The following ANKZF1 variants were observed in gnomAD, a reference collection of about 807,000 sequenced individuals.
ANKZF1 encodes tRNA endonuclease ANKZF1.
Under a neutral mutation model 86.0 loss-of-function variants are expected in ANKZF1, and 84 were observed. That is an observed-to-expected ratio of 0.98 (90% CI 0.82 to 1.17). The LOEUF is 1.17. ANKZF1 is among the 50% of genes most tolerant of loss of function. ANKZF1 has a pLI of 0.00. For synonymous variants in ANKZF1, 331 were observed against 354.2 expected, an observed-to-expected ratio of 0.93 and a Z score of 0.74; for missense variants, 893 against 918.4, an observed-to-expected ratio of 0.97 and a Z score of 0.36.
At position 219,236,075 on chromosome 2, in the gene ANKZF1, C is replaced by T; in HGVS notation, c.2037C>T (p.Asp679=). 1.2e-6 allele frequency: 2 copies of T among 1,614,224 alleles called. No homozygotes were observed. Among genetic ancestry groups the T allele is most frequent in the Non-Finnish European group, 1.7e-6 (2 of 1,180,050 alleles). The change falls in exon 13 of 14, where the codon GAC becomes GAT. Residue 679 remains aspartate, a synonymous_variant. Transcript: ENST00000323348. ...QLGAPTSPIP[D]SAIVNTRRCW... ...GAGCCCCTACCTCTCCAATCCCTGA[C>T]TCTGCAATCGTCAATACTCGGTATG...
chr2:219,233,429 ATAAGGTGAGT>A lies in ANKZF1; in HGVS notation c.819+1_819+10del. 6.2e-7 allele frequency: 1 copy of A among 1,609,718 alleles called. No homozygotes were observed. Among genetic ancestry groups the A allele is most frequent in the Non-Finnish European group, 8.5e-7 (1 of 1,177,614 alleles). ...AGGCGCTACAATGAAGCCACACTAT[ATAAGGTGAGT>A]TAAGCCTTTTAGATCTGGTGGTACT... On this transcript the variant is annotated splice_donor_variant and splice_donor_5th_base_variant and coding_sequence_variant and intron_variant, in exon 7 of 14. Transcript: ENST00000323348. LOFTEE classifies it high-confidence loss of function.
At chr2:219,231,891 C>G (rs1328730312) in intron 2 of ANKZF1, 37 bp from the exon 3 acceptor site, 13 of 1,550,150 alleles carry the variant, frequency 8.4e-6, no homozygotes, top group Middle Eastern at 3.3e-4. Context: ...TGGATTTGGG[C>G]TCCCTTTCTA....
At chr2:219,231,821 A>T (rs545658555) in intron 2 of ANKZF1, 107 bp from the exon 3 acceptor site, 1 of 884,658 alleles carries the variant, frequency 1.1e-6, no homozygotes, top group African/African-American at 1.7e-5. Flanking sequence ...GTATCATGCC[A>T]TCTCTTTTGT....
chr2:219,232,758 C>T (rs996521372), intron 5 of ANKZF1, 75 bp downstream of exon 5: 26 of 1,448,042 alleles, frequency 1.8e-5, no homozygotes, highest in Admixed American at 1.6e-4. Context: ...TAGCCTAGTG[C>T]ATTTCTCCCT....
chr2:219,230,801 C>G (rs1428644158), intron 2 of ANKZF1: 1 of 155,054 alleles, frequency 6.4e-6, no homozygotes, highest in Admixed American at 6.5e-5. Context: ...TGCAGTGGCA[C>G]GATCTCCACC....
Position 219,236,564 on chromosome 2 carries a change from C to A in ANKZF1, c.*119C>A. ...ATTTGGAAGATGGGGGTGAAGGACA[C>A]TCGGGAACTAGGGCAAAGACAGGGC... On this transcript the variant is annotated 3_prime_UTR_variant, in exon 14 of 14. Transcript: ENST00000323348. 7.4e-7 allele frequency: 1 copy of A among 1,345,490 alleles called. No homozygotes were observed. The highest frequency in any genetic ancestry group is 1.0e-6 in the Non-Finnish European group (1 of 995,260). 83.3% of individuals were successfully genotyped at this position (1,345,490 alleles called of 1,614,324 possible).
chr2:219,232,504 A>T lies in ANKZF1; in HGVS notation c.379A>T (p.Ile127Phe). ...KQSSTGDLSSISGSEDSDSAS... is the reference protein window; with the variant it reads ...KQSSTGDLSSFSGSEDSDSAS... The stretch of plus-strand genomic sequence containing the variant: ...TCTGTCTTCAGGAGATCTTTCCAGC[A>T]TCTCGGGATCAGAAGACTCAGACTC... The change falls in exon 5 of 14, where the codon ATC (isoleucine) becomes TTC (phenylalanine). Residue 127 changes from isoleucine (I) to phenylalanine (F), a missense_variant. Ile to Phe is a conservative substitution (Grantham distance 21, BLOSUM62 0). Coordinates refer to ENST00000323348, the MANE Select transcript of ANKZF1 (RefSeq NM_018089.3). 3 of 1,614,198 alleles carry T rather than the reference A, an allele frequency of 1.9e-6. No homozygotes were observed. Among genetic ancestry groups the T allele is most frequent in the Non-Finnish European group, 2.5e-6 (3 of 1,180,034 alleles).
chr2:219,234,036 A>C (rs73991426), intron 8 of ANKZF1, 93 bp downstream of exon 8: 1 of 1,538,306 alleles, frequency 6.5e-7, no homozygotes, highest in African/African-American at 1.4e-5. Context: ...AGGATTTTCT[A>C]AGCCTTGGAC....
rs750431702 is a variant in ANKZF1, at chr2:219,233,329, C to T, written c.715C>T (p.Arg239Trp). Residue 239 changes from arginine (R) to tryptophan (W), a missense_variant, in exon 7 of 14, where the codon CGG (arginine) becomes TGG (tryptophan). By Grantham distance (101) the Arg-to-Trp change is moderately radical. Coordinates refer to ENST00000323348, the MANE Select transcript of ANKZF1 (RefSeq NM_018089.3). The part of the protein sequence containing the change: ...THKTFHRYTV[R>W]AKRGTAQGLR... ...CAAAACTTTTCACCGCTATACGGTT[C>T]GGGCCAAGCGGGGCACAGCCCAGGG... 11 of 1,614,242 alleles carry T rather than the reference C, an allele frequency of 6.8e-6. No individual in the cohort carries two copies. Among genetic ancestry groups the T allele is most frequent in the South Asian group, 1.1e-5 (1 of 91,086 alleles).
At position 219,232,562 on chromosome 2, in the gene ANKZF1, G is replaced by C; in HGVS notation, c.437G>C (p.Arg146Pro). ...ASEEDLQTLD[R>P]ERATFEKLSR... The stretch of plus-strand genomic sequence containing the variant: ...GAGGAGGACTTGCAGACACTGGATC[G>C]GGAGAGGGCTACATTTGAGAAGTTG... Residue 146 changes from arginine to proline, a missense_variant, in exon 5 of 14, where the codon CGG becomes CCG. Arg to Pro is a moderately radical substitution (Grantham distance 103). Transcript: ENST00000323348. 6.2e-7 allele frequency: 1 copy of C among 1,614,180 alleles called. No homozygotes were observed. The highest frequency in any genetic ancestry group is 8.5e-7 in the Non-Finnish European group (1 of 1,180,040).
rs752760334 is a variant in ANKZF1 at position 219,235,742 on chromosome 2, G to A, written c.1838G>A (p.Arg613Gln). The A allele has an allele frequency of 1.6e-5, 26 of 1,614,020 alleles. No homozygotes were observed. The highest frequency in any genetic ancestry group is 4.5e-5 in the East Asian group (2 of 44,904). Residue 613 changes from arginine to glutamine, a missense_variant, in exon 12 of 14, where the codon CGG becomes CAG. By Grantham distance (43) the Arg-to-Gln change is conservative. Coordinates refer to ENST00000323348, the MANE Select transcript of ANKZF1 (RefSeq NM_018089.3). ...PGPLTPEMEA[R>Q]QATRKREQKA... is the part of the protein sequence containing the mutation. ...CCATTGACACCAGAAATGGAGGCAC[G>A]GCAGGCTACACGGAAAAGGGAGCAG...
chr2:219,235,950 C>A, intron 12 of ANKZF1, 60 bp from the exon 13 acceptor site: 3 of 1,613,948 alleles, frequency 1.9e-6, no homozygotes, highest in Non-Finnish European at 2.5e-6. Flanking sequence ...GCAGCTGTCA[C>A]CTCTTGGGTG....
rs979638333 is a variant in ANKZF1 at position 219,232,982 on chromosome 2, T to C, written c.559-97T>C. 7 of 1,159,642 alleles carry C rather than the reference T, an allele frequency of 6.0e-6. No individual in the cohort carries two copies. In the African/African-American group the frequency reaches 1.1e-4, roughly 18 times the overall value. The allele number at this position is 1,159,642 out of a possible 1,614,324, so 71.8% of individuals were successfully genotyped here. On this transcript the variant is annotated intron_variant, in intron 5 of 13. Transcript: ENST00000323348. ...CAAATGGAAACAAGCCTCAGGGTGG[T>C]AATATTAAATGAGATAATGTTTGTG...
At chr2:219,233,239 C>G (rs777848938) in intron 6 of ANKZF1, 47 bp from the exon 7 acceptor site, 5 of 1,614,182 alleles carry the variant, frequency 3.1e-6, no homozygotes, top group Non-Finnish European at 4.2e-6. Context: ...TCCTGTTAGC[C>G]AGGGAGCACC....
In ANKZF1 at chr2:219,232,272, A is replaced by G. The variant is rs1485930300; in HGVS notation, c.274A>G (p.Lys92Glu). ...QNHQEQREHY[K>E]LDWHRFNLKQ... ...GTCTTTGTACTAGAGGGAACATTAT[A>G]AGCTTGACTGGCATCGGTTTAACCT... The change falls in exon 4 of 14, where the codon AAG becomes GAG. Residue 92 changes from lysine (K) to glutamate (E), a missense_variant. Coordinates refer to ENST00000323348, the MANE Select transcript of ANKZF1 (RefSeq NM_018089.3). The G allele has an allele frequency of 6.2e-7, 1 of 1,614,044 alleles. No individual in the cohort carries two copies. The highest frequency in any genetic ancestry group is 1.1e-5 in the South Asian group (1 of 91,086).
At position 219,231,868 on chromosome 2, in the gene ANKZF1, ATTC is replaced by A. The variant is rs1216805556; in HGVS notation, c.149-57_149-55del. The A allele has an allele frequency of 2.9e-6, 4 of 1,368,510 alleles. No homozygotes were observed. In the African/African-American group the frequency reaches 5.7e-5, roughly 20 times the overall value. The allele number at this position is 1,368,510 out of a possible 1,614,324, so 84.8% of individuals were successfully genotyped here. On this transcript the variant is annotated intron_variant, in intron 2 of 13. Coordinates refer to ENST00000323348, the MANE Select transcript of ANKZF1 (RefSeq NM_018089.3). ...CTTTGTATATCACACTCTGAATATA[ATTC>A]TTGTCACTGTGGATTTGGGCTCCCT...
In ANKZF1 at chr2:219,236,085, G is replaced by A. The variant is rs773361158; in HGVS notation, c.2047G>A (p.Val683Ile). ...PTSPIPDSAI[V>I]NTRRCWSCGA... ...CTCTCCAATCCCTGACTCTGCAATC[G>A]TCAATACTCGGTATGGGGTGCGGGA... Residue 683 changes from valine to isoleucine, a missense_variant, in exon 13 of 14, where the codon GTC becomes ATC. Physicochemically the swap from Val to Ile is conservative, Grantham distance 29 (BLOSUM62 3). Transcript: ENST00000323348. The A allele has an allele frequency of 1.1e-5, 17 of 1,614,084 alleles. No homozygotes were observed. The South Asian group carries it at 1.3e-4, about 13-fold the overall frequency.
At chr2:219,231,352 T>C in intron 2 of ANKZF1, 1 of 223,476 alleles carries the variant, frequency 4.5e-6, no homozygotes, top group Non-Finnish European at 1.0e-5. Context: ...TTTTCCAGAA[T>C]GCCCAGGGCC....
rs763682835 is a variant in ANKZF1 at position 219,232,684 on chromosome 2, G to C, written c.558+1G>C. 1 of 1,613,336 alleles carries C rather than the reference G, an allele frequency of 6.2e-7. No individual in the cohort carries two copies. The highest frequency in any genetic ancestry group is 1.7e-5 in the Admixed American group (1 of 59,988). The stretch of plus-strand genomic sequence containing the variant: ...CCGCTGTGTCCTAGGCCCTCATCAG[G>C]CAAGTGACAGTACAGGTTGCATGGC... On this transcript the variant is annotated splice_donor_variant, in intron 5 of 13. Coordinates refer to ENST00000323348, the MANE Select transcript of ANKZF1 (RefSeq NM_018089.3). LOFTEE classifies it high-confidence loss of function.
Sources: allele counts gnomAD v4.1 joint callset, GRCh38; gene constraint gnomAD v4.1.1; transcripts MANE v1.5; gene names NCBI Gene and HGNC (gene_info 2026-07-23, HGNC 2026-07-21).